The following CLSTN2 variants were observed in gnomAD, a reference collection of about 807,000 sequenced individuals.
The protein encoded by CLSTN2 is calsyntenin-2.
CLSTN2 carries 48 observed loss-of-function variants against 101.2 expected under a neutral mutation model. The observed-to-expected ratio is 0.47, with a 90% confidence interval of 0.38 to 0.60. CLSTN2 has a LOEUF of 0.60. Ranked by LOEUF, CLSTN2 falls within the 20% of genes least tolerant of loss-of-function variation. The pLI, the probability that CLSTN2 is intolerant of heterozygous loss-of-function variation, is 0.00. For synonymous variants in CLSTN2, 481 were observed against 463.6 expected (o/e 1.04, Z -0.48); for missense variants, 1,160 against 1,238.2 (o/e 0.94, Z 0.95).
At chr3:140,470,211 G>T (rs1365741027) in intron 8 of CLSTN2, among the ~76,000 whole-genome samples, 1 of 152,246 alleles carries the variant, frequency 6.6e-6, no homozygotes, top group Non-Finnish European at 1.5e-5. Context: ...GGCTCTGTGT[G>T]GGGTACCTGG....
intron 2 of CLSTN2, among the ~76,000 whole-genome samples, chr3:140,389,055 T>C (rs2088083641): frequency 6.6e-6 from 1 of 152,218 alleles, no homozygotes; most frequent in Non-Finnish European, 1.5e-5. Flanking sequence ...ATAATCCCTT[T>C]TATAGAGTTG....
intron 1 of CLSTN2, among the ~76,000 whole-genome samples, chr3:140,126,772 T>C (rs1311789488): frequency 1.3e-5 from 2 of 152,156 alleles, no homozygotes; most frequent in African/African-American, 4.8e-5. Flanking sequence ...TTCATTTAAA[T>C]GTTCACTGAG....
At chr3:140,082,640 G>A (rs971153995) in intron 1 of CLSTN2, among the ~76,000 whole-genome samples, 5 of 152,030 alleles carry the variant, frequency 3.3e-5, no homozygotes, top group African/African-American at 1.2e-4. Flanking sequence ...TCATCCCCTC[G>A]TTGTGTTGCT....
At chr3:140,346,375 C>T (rs2087545962) in intron 2 of CLSTN2, among the ~76,000 whole-genome samples, 1 of 152,162 alleles carries the variant, frequency 6.6e-6, no homozygotes, top group Admixed American at 6.5e-5. Context: ...GTAGGTACAG[C>T]ATGTATCTGG....
At chr3:140,127,269 C>A (rs563017356) in intron 1 of CLSTN2, among the ~76,000 whole-genome samples, 6 of 152,084 alleles carry the variant, frequency 3.9e-5, no homozygotes, top group African/African-American at 1.2e-4. Context: ...ATTGCTTAAC[C>A]TCCCTGAACT....
intron 1 of CLSTN2, among the ~76,000 whole-genome samples, chr3:140,006,629 T>C (rs571543782): frequency 6.6e-6 from 1 of 152,358 alleles, no homozygotes; most frequent in Admixed American, 6.5e-5. Flanking sequence ...CTGTCTTTCC[T>C]GTCTCCTGAG....
chr3:140,562,643 G>C (rs1935941670), intron 13 of CLSTN2, among the ~76,000 whole-genome samples, 168 bp from the exon 14 acceptor site: 1 of 152,168 alleles, frequency 6.6e-6, no homozygotes, highest in South Asian at 2.1e-4. Context: ...ATGTAATTTT[G>C]GCTCCTTAGA....
intron 7 of CLSTN2, 39 bp from the exon 8 acceptor site, chr3:140,466,571 G>A: frequency 1.2e-6 from 2 of 1,613,416 alleles, no homozygotes; most frequent in African/African-American, 1.3e-5. Flanking sequence ...GCTGACACAG[G>A]GGTTCTCTCA....
At chr3:140,125,373 C>G (rs1417474829) in intron 1 of CLSTN2, among the ~76,000 whole-genome samples, 1 of 151,994 alleles carries the variant, frequency 6.6e-6, no homozygotes, top group Non-Finnish European at 1.5e-5. Context: ...AATTCTGAGG[C>G]ACAAGGGACA....
chr3:140,175,354 A>G (rs2010307113), intron 1 of CLSTN2, among the ~76,000 whole-genome samples: 1 of 149,660 alleles, frequency 6.7e-6, no homozygotes, highest in Non-Finnish European at 1.5e-5. Flanking sequence ...GACCACTGAG[A>G]TACACAGTTT....
At chr3:140,449,425 T>C (rs150973988) in intron 6 of CLSTN2, 1 of 152,306 alleles carries the variant, frequency 6.6e-6, no homozygotes, top group East Asian at 1.9e-4. Context: ...AGGAGATGGC[T>C]CACAATCAAC....
At chr3:140,042,512 T>G (rs1361417395) in intron 1 of CLSTN2, among the ~76,000 whole-genome samples, 1 of 152,184 alleles carries the variant, frequency 6.6e-6, no homozygotes, top group Admixed American at 6.5e-5. Flanking sequence ...TAATGACAGC[T>G]GTAGTTTCTT....
chr3:139,936,110 G>C (rs1173467438), intron 1 of CLSTN2, among the ~76,000 whole-genome samples: 1 of 152,152 alleles, frequency 6.6e-6, no homozygotes, highest in Non-Finnish European at 1.5e-5. Flanking sequence ...GGACCGAGGA[G>C]CCTAACCTGG....
chr3:140,396,734 A>G (rs1452172089), intron 2 of CLSTN2, among the ~76,000 whole-genome samples: 2 of 152,166 alleles, frequency 1.3e-5, no homozygotes, highest in Non-Finnish European at 2.9e-5. Flanking sequence ...TGGACATGCA[A>G]TTCTTCTTAC....
intron 2 of CLSTN2, among the ~76,000 whole-genome samples, chr3:140,259,946 C>G (rs944856168): frequency 2.6e-5 from 4 of 151,702 alleles, no homozygotes; most frequent in Non-Finnish European, 5.9e-5. Context: ...AACAGGAGAA[C>G]AGTAGACACC....
intron 8 of CLSTN2, among the ~76,000 whole-genome samples, chr3:140,470,006 A>G (rs1220132061): frequency 1.3e-5 from 2 of 152,256 alleles, no homozygotes; most frequent in East Asian, 3.9e-4. Flanking sequence ...TACTAGATTT[A>G]CCACCAGTGG....
chr3:140,145,327 C>T (rs2009765586), intron 1 of CLSTN2, among the ~76,000 whole-genome samples: 1 of 152,152 alleles, frequency 6.6e-6, no homozygotes, highest in African/African-American at 2.4e-5. Context: ...CCTGGTATAG[C>T]CTGATCTGTA....
intron 1 of CLSTN2, among the ~76,000 whole-genome samples, chr3:140,101,658 T>G (rs1306160350): frequency 1.3e-5 from 2 of 152,218 alleles, no homozygotes; most frequent in Non-Finnish European, 2.9e-5. Flanking sequence ...AAATAAGAGT[T>G]TATTTGTCAT....
rs960769535 is a variant in CLSTN2 at position 140,030,852 on chromosome 3, C to T, written c.109+95369C>T. Among the ~76,000 whole-genome samples the T allele has an allele frequency of 2.6e-5, 4 of 152,166 alleles. 1 individual carries two copies. Among genetic ancestry groups the T allele is most frequent in the South Asian group, 4.1e-4 (2 of 4,824 alleles). The stretch of plus-strand genomic sequence containing the variant: ...AAATTGCAGCTTCCGCCTTGAATTC[C>T]CTTTGGTGGGACGCATTATTAAAAT... On this transcript the variant is annotated intron_variant, in intron 1 of 16. Transcript: ENST00000458420.
Sources: gnomAD v4.1 joint callset for allele counts (sites outside exome capture counted in the v4.1 genomes callset) on GRCh38, gnomAD v4.1.1 for gene constraint, MANE v1.5 for transcripts, NCBI Gene and HGNC (gene_info 2026-07-23, HGNC 2026-07-21) for gene names.